The following ACACB variants were observed in gnomAD, a reference collection of about 807,000 sequenced individuals.
ACACB encodes the protein acetyl-CoA carboxylase 2.
Under a neutral mutation model 278.8 loss-of-function variants are expected in ACACB, and 209 were observed. The observed-to-expected ratio is 0.75, with a 90% confidence interval of 0.67 to 0.84. ACACB has a LOEUF of 0.84. ACACB is among the 40% of genes least tolerant of loss of function. The probability of loss-of-function intolerance (pLI) is 0.00; values close to 1 mark genes in which losing one functional copy is unlikely to be tolerated. For synonymous variants in ACACB, 1,174 were observed against 1,285.6 expected, an observed-to-expected ratio of 0.91 and a Z score of 1.86; for missense variants, 2,850 against 3,269.0, an observed-to-expected ratio of 0.87 and a Z score of 3.13.
At chr12:109,133,864 T>TATATATATATA (rs1555202940) in intron 1 of ACACB, among the ~76,000 whole-genome samples, 94 of 24,028 alleles carry the variant, frequency 3.9e-3, no homozygotes, top group African/African-American at 9.7e-3. Flanking sequence ...TATATATATA[T>TATATATATATA]TTTTTTTTTT....
chr12:109,193,815 G>A, intron 16 of ACACB, 86 bp downstream of exon 16: 1 of 1,244,142 alleles, frequency 8.0e-7, no homozygotes, highest in Non-Finnish European at 1.2e-6. Flanking sequence ...CCCTGGAGTG[G>A]ATTTGCTCAT....
At chr12:109,195,152 G>A (rs576978220) in intron 16 of ACACB, among the ~76,000 whole-genome samples, 6 of 152,226 alleles carry the variant, frequency 3.9e-5, no homozygotes, top group Non-Finnish European at 7.4e-5. Flanking sequence ...GGGGTGAGCC[G>A]GCTGTGGCAT....
In ACACB at chr12:109,199,530, G is replaced by A; in HGVS notation, c.2756G>A (p.Gly919Glu). ...TVEDGGHVEA[G>E]SSYAEMEVMK... ...GAGGATGGGGGCCACGTTGAGGCTG[G>A]GAGCAGCTACGCTGAGATGGAGGTG... is the stretch of plus-strand genomic sequence containing the variant. The change falls in exon 18 of 53, where the codon GGG (glycine) becomes GAG (glutamate). Residue 919 changes from glycine (G) to glutamate (E), a missense_variant. Physicochemically the swap from Gly to Glu is moderately conservative, Grantham distance 98. This residue lies in a region of ACACB where 2,265 missense variants were observed against 2,561.3 expected (regional missense o/e 0.88). Coordinates refer to ENST00000338432, the MANE Select transcript of ACACB (RefSeq NM_001093.4). The A allele has an allele frequency of 6.7e-7, 1 of 1,501,938 alleles. No homozygotes were observed. The allele number at this position is 1,501,938 out of a possible 1,614,324, so 93.0% of individuals were successfully genotyped here.
chr12:109,252,320 G>T, intron 42 of ACACB, 164 bp downstream of exon 42: 1 of 482,482 alleles, frequency 2.1e-6, no homozygotes, highest in Admixed American at 3.9e-5. Context: ...GGGTCCTTAT[G>T]AGAAAAAAAA....
rs555378537 is a variant in ACACB at position 109,167,059 on chromosome 12, G to A, written c.786+66G>A. ...GGTGCAGGGGCCCCTCCTCTCAGCT[G>A]GAGGTGGGAGATTCGGGTTCAGGCT... On this transcript the variant is annotated intron_variant, in intron 3 of 52. Transcript: ENST00000338432. 1.4e-5 allele frequency: 22 copies of A among 1,602,526 alleles called. No individual in the cohort carries two copies. In the African/African-American group the frequency reaches 2.1e-4, roughly 16 times the overall value.
At chr12:109,180,560 T>G (rs1380081837) in intron 11 of ACACB, among the ~76,000 whole-genome samples, 1 of 152,246 alleles carries the variant, frequency 6.6e-6, no homozygotes, top group Non-Finnish European at 1.5e-5. Context: ...TAAAGGGAAC[T>G]CTAAATTTTT....
Position 109,258,382 on chromosome 12 carries a change from T to A in ACACB, c.6360+18T>A. On this transcript the variant is annotated intron_variant, in intron 46 of 52. Transcript: ENST00000338432. ...AGGCCAAGGTGAGGGGGCCGGGAGC[T>A]GTGGCTGCTGGTTTAGCCAGCGGTA... The A allele has an allele frequency of 6.2e-7, 1 of 1,602,024 alleles. No homozygotes were observed. The highest frequency in any genetic ancestry group is 8.5e-7 in the Non-Finnish European group (1 of 1,173,818).
At chr12:109,213,036 A>C in intron 22 of ACACB, 100 bp downstream of exon 22, 1 of 1,002,032 alleles carries the variant, frequency 1.0e-6, no homozygotes, top group Non-Finnish European at 1.6e-6. Context: ...GCAGGCTTGA[A>C]CTGAGAGAAA....
intron 19 of ACACB, among the ~76,000 whole-genome samples, 196 bp from the exon 20 acceptor site, chr12:109,206,514 A>G (rs567811085): frequency 9.2e-5 from 14 of 151,626 alleles, no homozygotes; most frequent in African/African-American, 3.4e-4. Context: ...TGCAAAAGGA[A>G]TGGTTTGGAA....
rs765283650 is a variant in ACACB at position 109,209,883 on chromosome 12, GTATATA to G, written c.3249+532_3249+537del. ...TATATACACACATACACACACGTGT[GTATATA>G]TGTATATACACACATACACACACGT... is the stretch of plus-strand genomic sequence containing the variant. On this transcript the variant is annotated intron_variant, in intron 21 of 52. Coordinates refer to ENST00000338432, the MANE Select transcript of ACACB (RefSeq NM_001093.4). Among the ~76,000 whole-genome samples the G allele has an allele frequency of 3.8e-5, 5 of 130,242 alleles. No homozygotes were observed. In the South Asian group the frequency reaches 1.2e-3, roughly 31 times the overall value. 85.4% of individuals were successfully genotyped at this position (130,242 alleles called of 152,430 possible). A position where few individuals can be genotyped will look rare whatever the true frequency, so the allele number is the denominator to read the frequency against.
chr12:109,191,542 C>G (rs921644497), intron 13 of ACACB, 71 bp from the exon 14 acceptor site: 1 of 1,577,146 alleles, frequency 6.3e-7, no homozygotes, highest in Non-Finnish European at 8.7e-7. Context: ...TTCTCTGAAT[C>G]ACATCATTGC....
chr12:109,204,869 C>T (rs1245275430), intron 19 of ACACB, among the ~76,000 whole-genome samples: 1 of 151,824 alleles, frequency 6.6e-6, no homozygotes, highest in Non-Finnish European at 1.5e-5. Flanking sequence ...TTTTTTGAGA[C>T]AGAGTCTCAC....
intron 45 of ACACB, among the ~76,000 whole-genome samples, chr12:109,256,717 G>A (rs1055956718): frequency 6.6e-6 from 1 of 152,074 alleles, no homozygotes; most frequent in Non-Finnish European, 1.5e-5. Context: ...AATGAGCCCC[G>A]AGCTCCCTCC....
intron 19 of ACACB, among the ~76,000 whole-genome samples, chr12:109,205,077 C>T (rs1452202523): frequency 6.6e-6 from 1 of 152,146 alleles, no homozygotes; most frequent in Non-Finnish European, 1.5e-5. Context: ...TGATCTTGAC[C>T]TCCTGGCCTC....
chr12:109,118,892 A>G (rs2042470821), intron 1 of ACACB, among the ~76,000 whole-genome samples: 1 of 152,218 alleles, frequency 6.6e-6, no homozygotes. Flanking sequence ...TTGCAGTGAT[A>G]ATAGTAAATT....
At chr12:109,196,533 C>G (rs1158802554) in intron 16 of ACACB, among the ~76,000 whole-genome samples, 3 of 152,284 alleles carry the variant, frequency 2.0e-5, no homozygotes, top group Non-Finnish European at 2.9e-5. Flanking sequence ...TTTACAAGGG[C>G]CCCACCTTCA....
chr12:109,237,202 C>G lies in ACACB; in HGVS notation c.4484C>G (p.Ala1495Gly). ...EDRIYRHLEP[A>G]LAFQLELNRM... ...CGCATTTACCGTCACTTGGAACCTGCCCTGGCCTTCCAGCTGGAACTTAAC... is the reference window on the plus strand; with the variant it reads ...CGCATTTACCGTCACTTGGAACCTGGCCTGGCCTTCCAGCTGGAACTTAAC... Residue 1495 changes from alanine to glycine, a missense_variant, in exon 34 of 53, where the codon GCC (alanine) becomes GGC (glycine). Coordinates refer to ENST00000338432, the MANE Select transcript of ACACB (RefSeq NM_001093.4). 6.2e-7 allele frequency: 1 copy of G among 1,614,166 alleles called. No individual in the cohort carries two copies. Among genetic ancestry groups the G allele is most frequent in the Non-Finnish European group, 8.5e-7 (1 of 1,180,030 alleles).
intron 47 of ACACB, chr12:109,260,026 T>G (rs2047337477): frequency 7.6e-7 from 1 of 1,318,332 alleles, no homozygotes; most frequent in Admixed American, 1.9e-5. Context: ...GCAGTGTGAT[T>G]GTCAGTGCTG....
In ACACB at chr12:109,233,956, A is replaced by G. The variant is rs1269445680; in HGVS notation, c.4258A>G (p.Ile1420Val). The G allele has an allele frequency of 1.2e-6, 2 of 1,614,014 alleles. No individual in the cohort carries two copies. The highest frequency in any genetic ancestry group is 1.7e-6 in the Non-Finnish European group (2 of 1,180,028). Reference sequence around the variant, plus strand: ...CTCTCAGAGCCTCAGAGAAGAGCCCATCCACATTCTGAATGTGTCCATCCA... The same window carrying G: ...CTCTCAGAGCCTCAGAGAAGAGCCCGTCCACATTCTGAATGTGTCCATCCA... ...DDCKSLREEP[I>V]HILNVSIQCA... is the part of the protein sequence containing the mutation. Residue 1420 changes from isoleucine (I) to valine (V), a missense_variant, in exon 31 of 53, where the codon ATC becomes GTC. Ile to Val is a conservative substitution (Grantham distance 29). This residue lies in a region of ACACB where 2,265 missense variants were observed against 2,561.3 expected (regional missense o/e 0.88). Transcript: ENST00000338432.
Sources: allele counts gnomAD v4.1 joint callset (sites outside exome capture counted in the v4.1 genomes callset), GRCh38; gene constraint gnomAD v4.1.1; regional missense constraint gnomAD v4.1.1; transcripts MANE v1.5; gene names NCBI Gene and HGNC (gene_info 2026-07-23, HGNC 2026-07-21).